MID1: variants seen among roughly 807,000 people sequenced by gnomAD.
MID1 encodes midline 1.
MID1 carries 7 observed loss-of-function variants against 40.4 expected under a neutral mutation model. The observed-to-expected ratio is 0.17, with a 90% CI of 0.10 to 0.33. MID1 has a LOEUF of 0.33. Ranked by LOEUF, MID1 falls within the 10% of genes least tolerant of loss-of-function variation. The pLI, the probability that MID1 is intolerant of heterozygous loss-of-function variation, is 1.00. For synonymous variants in MID1, 229 were observed against 221.2 expected (o/e 1.04, Z -0.31); for missense variants, 367 against 558.5 (o/e 0.66, Z 3.46).
chrX:10,740,345 G>T (rs1440334956), intron 1 of MID1, among the ~76,000 whole-genome samples: 1 of 112,841 alleles, frequency 8.9e-6, no homozygotes, highest in Admixed American at 9.3e-5. Flanking sequence ...AAGGAAACAG[G>T]AACTCAAGAA....
At chrX:10,800,899 G>C (rs999245293) in intron 1 of MID1, among the ~76,000 whole-genome samples, 31 of 111,882 alleles carry the variant, frequency 2.8e-4, no homozygotes, top group African/African-American at 9.1e-4. Flanking sequence ...GCCAGGCTGG[G>C]GTTAGAGAGA....
At chrX:10,527,841 T>C (rs1932862171) in intron 2 of MID1, among the ~76,000 whole-genome samples, 1 of 111,340 alleles carries the variant, frequency 9.0e-6, no homozygotes, top group Admixed American at 9.5e-5. Flanking sequence ...ACCTGCTCAT[T>C]AACCCTCTTT....
intron 1 of MID1, among the ~76,000 whole-genome samples, chrX:10,809,390 G>C (rs751542857): frequency 1.8e-5 from 2 of 111,354 alleles, no homozygotes; most frequent in Non-Finnish European, 3.8e-5. Flanking sequence ...AGGACCTAGG[G>C]CTAGAAATAC....
chrX:10,744,675 A>G (rs2043546961), intron 1 of MID1, among the ~76,000 whole-genome samples: 1 of 111,306 alleles, frequency 9.0e-6, no homozygotes, highest in Admixed American at 9.6e-5. Context: ...ATTGTGTTTA[A>G]TAGGGGCAGA....
rs933112531 is a variant in MID1 at position 10,802,130 on chromosome X, C to T, written c.-187+31424G>A. Among the ~76,000 whole-genome samples the T allele has an allele frequency of 5.4e-5, 6 of 111,143 alleles. No homozygotes were observed. The East Asian group carries it at 8.4e-4, about 16-fold the overall frequency. ...CTGGGAGATGGAGGTGACAGTGAGCCGAGATCACGCCATTGCACTCCAGCC... is the reference window on the plus strand; with the variant it reads ...CTGGGAGATGGAGGTGACAGTGAGCTGAGATCACGCCATTGCACTCCAGCC... On this transcript the variant is annotated intron_variant, in intron 1 of 10. Transcript: ENST00000380785.
chrX:10,513,051 A>T (rs1345216589), intron 3 of MID1, among the ~76,000 whole-genome samples: 3 of 112,392 alleles, frequency 2.7e-5, no homozygotes, highest in Non-Finnish European at 5.6e-5. Context: ...GCATGACTCA[A>T]TTATTTTGCT....
At chrX:10,740,579 A>C (rs1398520361) in intron 1 of MID1, among the ~76,000 whole-genome samples, 2 of 112,377 alleles carry the variant, frequency 1.8e-5, no homozygotes, top group Non-Finnish European at 3.8e-5. Context: ...TCCCTGCTCC[A>C]TCATTTACTT....
intron 1 of MID1, among the ~76,000 whole-genome samples, chrX:10,570,918 T>C (rs781303544): frequency 2.7e-5 from 3 of 112,301 alleles, no homozygotes; most frequent in Non-Finnish European, 5.6e-5. Context: ...TGAAAATCAT[T>C]CTCAGAGAGG....
chrX:10,519,868 C>G (rs754083091), intron 3 of MID1, among the ~76,000 whole-genome samples: 2 of 112,145 alleles, frequency 1.8e-5, no homozygotes, highest in African/African-American at 6.5e-5. Flanking sequence ...ACCAGTTTTA[C>G]ATTTCTGATC....
chrX:10,571,774 A>G (rs761487667), intron 1 of MID1, among the ~76,000 whole-genome samples: 14 of 109,261 alleles, frequency 1.3e-4, no homozygotes, highest in Non-Finnish European at 2.3e-4. Context: ...TAAAAAAATT[A>G]GCCAGGAGTG....
At chrX:10,789,483 C>T (rs1441200187) in intron 1 of MID1, among the ~76,000 whole-genome samples, 1 of 111,680 alleles carries the variant, frequency 9.0e-6, no homozygotes, top group Non-Finnish European at 1.9e-5. Context: ...TGTATCTGTT[C>T]TATGTTTAGA....
In MID1 at chrX:10,669,230, TAA is replaced by T. The variant is rs761817483; in HGVS notation, c.-186-48813_-186-48812del. Among the ~76,000 whole-genome samples the T allele has an allele frequency of 5.6e-3, 262 of 47,005 alleles. 1 individual carries two copies. The highest frequency in any genetic ancestry group is 0.017 in the African/African-American group (243 of 13,936). 40.8% of individuals were successfully genotyped at this position (47,005 alleles called of 115,157 possible). On this transcript the variant is annotated intron_variant, in intron 1 of 10. Transcript: ENST00000380785. ...GACAGAGTGAGACTCCGTCTCAAAA[TAA>T]AAAAAAAAAAAAAAAAAAAAAAAAG...
At chrX:10,512,626 A>G (rs752853837) in intron 3 of MID1, among the ~76,000 whole-genome samples, 1 of 111,964 alleles carries the variant, frequency 8.9e-6, no homozygotes. Flanking sequence ...GAACAGATCT[A>G]TGCAATAATG....
intron 1 of MID1, among the ~76,000 whole-genome samples, chrX:10,708,120 T>C (rs907804719): frequency 2.7e-5 from 3 of 112,739 alleles, no homozygotes; most frequent in Non-Finnish European, 5.6e-5. Flanking sequence ...AAAAATTATC[T>C]GGTCATTTTC....
intron 1 of MID1, among the ~76,000 whole-genome samples, chrX:10,684,474 G>A (rs1417630057): frequency 2.9e-5 from 3 of 102,153 alleles, no homozygotes; most frequent in Non-Finnish European, 3.9e-5. Context: ...CGTGATCTCC[G>A]CTCACTGCAA....
intron 1 of MID1, among the ~76,000 whole-genome samples, chrX:10,753,830 G>A (rs1444035804): frequency 8.9e-6 from 1 of 112,115 alleles, no homozygotes; most frequent in African/African-American, 3.2e-5. Flanking sequence ...CTAAAAGCAT[G>A]TTGAAAATTG....
intron 2 of MID1, among the ~76,000 whole-genome samples, chrX:10,553,216 C>G (rs1357567061): frequency 9.2e-6 from 1 of 108,173 alleles, no homozygotes; most frequent in East Asian, 2.9e-4. Context: ...CCACTGGACT[C>G]CAGCCTGGGC....
At chrX:10,623,305 A>AAGGAAGGAAGGAAGGAAG (rs1935959783), upstream of MID1, among the ~76,000 whole-genome samples, 4 of 100,879 alleles carry the variant, frequency 4.0e-5, no homozygotes, top group Admixed American at 1.1e-4. Context: ...AGAGAAAGAA[A>AAGGAAGGAAGGAAGGAAG]GAAGGAAGGA....
At chrX:10,716,051 C>G (rs1010698181) in intron 1 of MID1, among the ~76,000 whole-genome samples, 54 of 111,354 alleles carry the variant, frequency 4.8e-4, no homozygotes, top group African/African-American at 1.5e-3. Context: ...CTGTACGTCA[C>G]CATCATCAAA....
Sources: gnomAD v4.1 joint callset for allele counts (sites outside exome capture counted in the v4.1 genomes callset) on GRCh38, gnomAD v4.1.1 for gene constraint, MANE v1.5 for transcripts, NCBI Gene and HGNC (gene_info 2026-07-23, HGNC 2026-07-21) for gene names.